The following TERF1 variants were observed in gnomAD, a reference collection of about 807,000 sequenced individuals.
The protein encoded by TERF1 is telomeric repeat binding factor 1, also known as telomeric repeat-binding factor 1.
In TERF1, 20 loss-of-function variants were observed where a neutral mutation model predicts 55.1. The observed-to-expected ratio is 0.36, with a 90% CI of 0.26 to 0.53. TERF1 has a LOEUF of 0.53. Among genes scored for constraint, TERF1 ranks in the 20% least tolerant of loss-of-function variants. TERF1 has a pLI of 0.91. For synonymous variants in TERF1, 168 were observed against 181.2 expected (o/e 0.93, Z 0.59); for missense variants, 439 against 535.7 (o/e 0.82, Z 1.78).
chr8:73,012,817 G>T, intron 1 of TERF1: 1 of 425,870 alleles, frequency 2.3e-6, no homozygotes, highest in South Asian at 1.7e-5. Context: ...ATTTTAATTA[G>T]TTACTTACAT....
In TERF1 at chr8:73,008,922, G is replaced by T; in HGVS notation, c.36G>T (p.Pro12=). ...AEDVSSAAPS[P]RGCADGRDAD... is the part of the protein sequence containing the mutation. Reference sequence around the variant, plus strand: ...ATGTTTCCTCAGCGGCCCCGAGCCCGCGGGGCTGTGCGGATGGTAGGGATG... The same window carrying T: ...ATGTTTCCTCAGCGGCCCCGAGCCCTCGGGGCTGTGCGGATGGTAGGGATG... Residue 12 remains proline (P), a synonymous_variant, in exon 1 of 10, where the codon CCG becomes CCT. Coordinates refer to ENST00000276603, the MANE Select transcript of TERF1 (RefSeq NM_017489.3). 2 of 1,611,716 alleles carry T rather than the reference G, an allele frequency of 1.2e-6. No individual in the cohort carries two copies. The highest frequency in any genetic ancestry group is 1.7e-6 in the Non-Finnish European group (2 of 1,179,198).
intron 9 of TERF1, among the ~76,000 whole-genome samples, chr8:73,044,261 T>C (rs1428422753): frequency 6.6e-6 from 1 of 152,168 alleles, no homozygotes; most frequent in Non-Finnish European, 1.5e-5. Context: ...CCGATAGGTG[T>C]GCTGCAGACA....
chr8:73,033,700 A>G (rs1045860378), intron 8 of TERF1, among the ~76,000 whole-genome samples: 2 of 152,170 alleles, frequency 1.3e-5, no homozygotes, highest in Non-Finnish European at 2.9e-5. Flanking sequence ...TGACAGAGCG[A>G]GACTGTCTCA....
At chr8:73,009,639 A>G (rs1196818018) in intron 1 of TERF1, 1 of 159,582 alleles carries the variant, frequency 6.3e-6, no homozygotes, top group Non-Finnish European at 1.4e-5. Flanking sequence ...CTGGCTCTAC[A>G]GCAGTTACTT....
intron 1 of TERF1, chr8:73,011,717 C>T (rs2129709250): frequency 6.6e-6 from 1 of 152,530 alleles, no homozygotes; most frequent in Non-Finnish European, 1.5e-5. Flanking sequence ...CCAACAACCT[C>T]TGCTAGCTTC....
rs34194765 is a variant in TERF1, at chr8:73,046,005, G to A, written c.1188G>A (p.Arg396=). 1.5e-3 allele frequency: 2,471 copies of A among 1,605,648 alleles called. 17 individuals are homozygous for A. In the African/African-American group the frequency reaches 0.025, roughly 16 times the overall value. ...EEDKNLRSGV[R]KYGEGNWSKI... is the part of the protein sequence containing the mutation. Reference sequence around the variant, plus strand: ...ACAAGAATTTGAGATCTGGCGTGAGGAAATATGGAGAGGGAAACTGGTCTA... The same window carrying A: ...ACAAGAATTTGAGATCTGGCGTGAGAAAATATGGAGAGGGAAACTGGTCTA... Residue 396 remains arginine (R), a synonymous_variant, in exon 10 of 10, where the codon AGG becomes AGA. Transcript: ENST00000276603.
intron 9 of TERF1, among the ~76,000 whole-genome samples, chr8:73,041,418 A>G (rs1809826276): frequency 6.6e-6 from 1 of 152,144 alleles, no homozygotes; most frequent in Non-Finnish European, 1.5e-5. Context: ...TGGTAAGGTA[A>G]GGGGAGGTGA....
At chr8:73,013,834 A>G in intron 1 of TERF1, 61 bp from the exon 2 acceptor site, 1 of 1,022,556 alleles carries the variant, frequency 9.8e-7, no homozygotes. Flanking sequence ...TCAACAAACC[A>G]CACAGTGGCA....
intron 1 of TERF1, 164 bp downstream of exon 1, chr8:73,009,369 G>A: frequency 3.1e-6 from 2 of 643,802 alleles, no homozygotes; most frequent in Non-Finnish European, 5.2e-6. Flanking sequence ...ATCCCGGTTC[G>A]CCCGTTGTCA....
intron 9 of TERF1, among the ~76,000 whole-genome samples, chr8:73,040,104 A>G (rs1174611859): frequency 1.3e-5 from 2 of 151,420 alleles, no homozygotes; most frequent in Admixed American, 6.6e-5. Flanking sequence ...TGTGACTCAA[A>G]GTTATGTTAC....
intron 7 of TERF1, chr8:73,030,883 G>T (rs2129834930): frequency 6.6e-6 from 1 of 152,542 alleles, no homozygotes; most frequent in Middle Eastern, 3.4e-3. Flanking sequence ...ATCACAAGTG[G>T]AACCATGGGG....
chr8:73,037,060 AAT>A (rs1408587103), intron 8 of TERF1, among the ~76,000 whole-genome samples: 1 of 137,116 alleles, frequency 7.3e-6, no homozygotes, highest in Non-Finnish European at 1.5e-5. Context: ...ATATAATTAT[AAT>A]ATATATAATA....
At chr8:73,037,828 G>A (rs1356220375) in intron 8 of TERF1, among the ~76,000 whole-genome samples, 1 of 77,790 alleles carries the variant, frequency 1.3e-5, no homozygotes, top group Non-Finnish European at 2.5e-5. Flanking sequence ...ATAATATATA[G>A]TATAATAATA....
intron 8 of TERF1, among the ~76,000 whole-genome samples, chr8:73,037,903 AAT>A (rs1809665707): frequency 8.1e-6 from 1 of 123,798 alleles, no homozygotes; most frequent in Middle Eastern, 3.8e-3. Flanking sequence ...AATATATATA[AAT>A]ATGATATAAT....
At position 73,047,216 on chromosome 8, in the gene TERF1, A is replaced by G. The variant is rs1311327870; in HGVS notation, c.*1079A>G. ...AATTTTTTTAAAAAAGAAAAAGACA[A>G]TAGTATTACCCATGGGACAAAATTT... On this transcript the variant is annotated 3_prime_UTR_variant, in exon 10 of 10. Transcript: ENST00000276603. 6.6e-6 allele frequency: 1 copy of G among 152,144 alleles called. No homozygotes were observed. The highest frequency in any genetic ancestry group is 2.4e-5 in the African/African-American group (1 of 41,426). The allele number at this position is 152,144 out of a possible 1,614,324, so 9.4% of individuals were successfully genotyped here. A position where few individuals can be genotyped will look rare whatever the true frequency, so the allele number is the denominator to read the frequency against.
chr8:73,010,720 A>G (rs1223270545), intron 1 of TERF1: 2 of 152,228 alleles, frequency 1.3e-5, no homozygotes, highest in Non-Finnish European at 2.9e-5. Context: ...GGCTTTATAG[A>G]CAGTAAGGAC....
In TERF1 at chr8:73,009,071, A is replaced by T; in HGVS notation, c.185A>T (p.Glu62Val). 6.2e-7 allele frequency: 1 copy of T among 1,609,218 alleles called. No individual in the cohort carries two copies. Among genetic ancestry groups the T allele is most frequent in the Non-Finnish European group, 8.5e-7 (1 of 1,178,206 alleles). Residue 62 changes from glutamate (E) to valine (V), a missense_variant, in exon 1 of 10, where the codon GAG (glutamate) becomes GTG (valine). By Grantham distance (121) the Glu-to-Val change is moderately radical. Around this residue, in one of 4 missense-constraint regions of TERF1, gnomAD observed 179 missense variants for 152.6 expected, o/e 1.17. Transcript: ENST00000276603. ...CCCGAGGAGGAGGAGGAGGAGGAGG[A>T]GGACGCGGGCCTGGTGGCCGAGGCC... is the stretch of plus-strand genomic sequence containing the variant. Reference protein sequence around the residue: ...GAPEEEEEEEEDAGLVAEAEA... With the variant: ...GAPEEEEEEEVDAGLVAEAEA...
Position 73,047,177 on chromosome 8 carries a change from A to T in TERF1, c.*1040A>T, listed in dbSNP as rs1810073605. 6.6e-6 allele frequency: 1 copy of T among 152,188 alleles called. No homozygotes were observed. Among genetic ancestry groups the T allele is most frequent in the Non-Finnish European group, 1.5e-5 (1 of 68,038 alleles). The allele number at this position is 152,188 out of a possible 1,614,324, so 9.4% of individuals were successfully genotyped here. On this transcript the variant is annotated 3_prime_UTR_variant, in exon 10 of 10. Transcript: ENST00000276603. ...TGCCCATGTGTTTCCTGAATCTAAAATAAAAATCGAAATAATTTTTTTAAA... is the reference window on the plus strand; with the variant it reads ...TGCCCATGTGTTTCCTGAATCTAAATTAAAAATCGAAATAATTTTTTTAAA...
intron 8 of TERF1, among the ~76,000 whole-genome samples, chr8:73,036,584 C>G (rs1301820072): frequency 6.6e-6 from 1 of 151,618 alleles, no homozygotes; most frequent in Non-Finnish European, 1.5e-5. Flanking sequence ...GGTATTGGTT[C>G]CAGGACCCAT....
Sources: allele counts gnomAD v4.1 joint callset (sites outside exome capture counted in the v4.1 genomes callset), GRCh38; gene constraint gnomAD v4.1.1; regional missense constraint gnomAD v4.1.1; transcripts MANE v1.5; gene names NCBI Gene and HGNC (gene_info 2026-07-23, HGNC 2026-07-21).